The following AIFM1 variants were observed in gnomAD, a reference collection of about 807,000 sequenced individuals.
AIFM1 encodes the protein apoptosis inducing factor mitochondria associated 1, also known as apoptosis-inducing factor 1, mitochondrial.
A neutral mutation model predicts 51.7 loss-of-function variants in AIFM1; 3 were observed. The observed-to-expected ratio is 0.06, with a 90% confidence interval of 0.03 to 0.15. The LOEUF (loss-of-function observed/expected upper bound fraction) is 0.15. Ranked by LOEUF, AIFM1 falls within the 10% of genes least tolerant of loss-of-function variation. AIFM1 has a pLI of 1.00. For missense variants in AIFM1, 330 were observed against 476.8 expected (o/e 0.69, Z 2.87); for synonymous variants, 178 against 179.4 (o/e 0.99, Z 0.06).
intron 11 of AIFM1, 65 bp downstream of exon 11, chrX:130,136,578 A>G (rs1373119883): frequency 4.0e-5 from 40 of 999,819 alleles, no homozygotes; most frequent in Non-Finnish European, 5.4e-5. Context: ...ATGAAGGAGT[A>G]AAAATGAGGC....
At chrX:130,141,293 C>G (rs2030570863) in intron 6 of AIFM1, among the ~76,000 whole-genome samples, 1 of 111,599 alleles carries the variant, frequency 9.0e-6, no homozygotes, top group African/African-American at 3.3e-5. Context: ...TTTTTTTAGG[C>G]AGTCATATGT....
chrX:130,137,211 C>G (rs1569417533), intron 9 of AIFM1, 26 bp from the exon 10 acceptor site: 2 of 1,210,009 alleles, frequency 1.7e-6, no homozygotes, highest in Middle Eastern at 2.3e-4. Flanking sequence ...AGAGTAGTTA[C>G]AGCAGGAAGC....
chrX:130,150,356 G>A (rs1359208790), intron 2 of AIFM1, among the ~76,000 whole-genome samples: 2 of 53,885 alleles, frequency 3.7e-5, no homozygotes, highest in African/African-American at 1.6e-4. Context: ...TTTTTTTTGA[G>A]ACGGAGTCTC....
intron 2 of AIFM1, among the ~76,000 whole-genome samples, chrX:130,153,403 G>T (rs1291224235): frequency 3.7e-5 from 4 of 107,501 alleles, no homozygotes; most frequent in Admixed American, 2.0e-4. Flanking sequence ...TTTTTTGGAG[G>T]GTAAAGTGGG....
At chrX:130,139,151 C>T (rs948869416) in intron 8 of AIFM1, among the ~76,000 whole-genome samples, 1 of 108,310 alleles carries the variant, frequency 9.2e-6, no homozygotes, top group African/African-American at 3.4e-5. Context: ...CAGGGTAAAA[C>T]GTCCCTACTA....
intron 6 of AIFM1, among the ~76,000 whole-genome samples, chrX:130,140,859 G>A (rs753031790): frequency 8.9e-6 from 1 of 112,367 alleles, no homozygotes; most frequent in East Asian, 2.8e-4. Flanking sequence ...ACTCATGCCT[G>A]TAATCCCAAC....
In AIFM1 at chrX:130,137,346, G is replaced by A. The variant is rs188923962; in HGVS notation, c.968-161C>T. 1,792 of 1,156,822 alleles carry A rather than the reference G, an allele frequency of 1.5e-3. 16 individuals are homozygous for A. The highest frequency in any genetic ancestry group is 8.6e-4 in the Admixed American group (32 of 37,206). On this transcript the variant is annotated intron_variant, in intron 9 of 15. Coordinates refer to ENST00000287295, the MANE Select transcript of AIFM1 (RefSeq NM_004208.4). Reference sequence around the variant, plus strand: ...ACAGGACAGTGGGCATGAGGGCCTCGGTGCTCAAGTTCATTTGTAACGCAA... The same window carrying A: ...ACAGGACAGTGGGCATGAGGGCCTCAGTGCTCAAGTTCATTTGTAACGCAA...
At chrX:130,158,689 C>T (rs930764786) in intron 1 of AIFM1, among the ~76,000 whole-genome samples, 1 of 84,745 alleles carries the variant, frequency 1.2e-5, no homozygotes, top group Non-Finnish European at 2.2e-5. Context: ...CTAACACTAA[C>T]CATAGCTGAT....
chrX:130,165,673 C>G lies in AIFM1; in HGVS notation c.-17G>C, dbSNP rs1461621867. On this transcript the variant is annotated 5_prime_UTR_variant, in exon 1 of 16. Coordinates refer to ENST00000287295, the MANE Select transcript of AIFM1 (RefSeq NM_004208.4). ...CCGGAACATTTCGGCGACCGCTATTCGGGACCTCCTCCTTCCCTTTCCTCT... is the reference window on the plus strand; with the variant it reads ...CCGGAACATTTCGGCGACCGCTATTGGGGACCTCCTCCTTCCCTTTCCTCT... 2 of 1,162,406 alleles carry G rather than the reference C, an allele frequency of 1.7e-6. No homozygotes were observed. The highest frequency in any genetic ancestry group is 2.3e-6 in the Non-Finnish European group (2 of 861,120).
intron 14 of AIFM1, 33 bp downstream of exon 14, chrX:130,131,642 C>T (rs2030083050): frequency 2.5e-6 from 3 of 1,211,085 alleles, no homozygotes; most frequent in Non-Finnish European, 3.4e-6. Context: ...TGCTTCTCAA[C>T]ACTCTCCAAG....
rs891049157 is a variant in AIFM1 at position 130,155,235 on chromosome X, C to G, written c.249+1226G>C. 2 of 1,209,094 alleles carry G rather than the reference C, an allele frequency of 1.7e-6. No homozygotes were observed. Among genetic ancestry groups the G allele is most frequent in the Non-Finnish European group, 2.2e-6 (2 of 893,288 alleles). ...GTTGCTGCCATCTTTCCCAGAAGCA[C>G]CTGTAGATGCTAGTGATCTAGAAGG... On this transcript the variant is annotated intron_variant, in intron 2 of 15. Transcript: ENST00000287295.
intron 6 of AIFM1, among the ~76,000 whole-genome samples, chrX:130,144,634 C>T: frequency 8.9e-6 from 1 of 111,773 alleles, no homozygotes; most frequent in Non-Finnish European, 1.9e-5. Context: ...GAAAGCCTTT[C>T]CTGATGTCAT....
At chrX:130,163,879 G>C (rs1287963064) in intron 1 of AIFM1, among the ~76,000 whole-genome samples, 1 of 110,283 alleles carries the variant, frequency 9.1e-6, no homozygotes, top group Non-Finnish European at 1.9e-5. Context: ...GTTATCGCCG[G>C]GCGCGGTGGC....
At chrX:130,149,828 T>C (rs1225282268) in intron 2 of AIFM1, among the ~76,000 whole-genome samples, 1 of 112,051 alleles carries the variant, frequency 8.9e-6, no homozygotes, top group Non-Finnish European at 1.9e-5. Context: ...ATTCTCCCCA[T>C]ATTTTATTCT....
intron 13 of AIFM1, among the ~76,000 whole-genome samples, chrX:130,132,981 G>C (rs779070341): frequency 1.4e-4 from 16 of 111,153 alleles, no homozygotes; most frequent in African/African-American, 5.2e-4. Flanking sequence ...TCCTGGCCTC[G>C]TGATCCGCCC....
At chrX:130,135,665 T>C (rs1296703352) in intron 12 of AIFM1, among the ~76,000 whole-genome samples, 1 of 111,518 alleles carries the variant, frequency 9.0e-6, no homozygotes, top group African/African-American at 3.3e-5. Context: ...TTTTCCTTTC[T>C]AGGGAACAGG....
At chrX:130,151,985 G>A (rs969596633) in intron 2 of AIFM1, among the ~76,000 whole-genome samples, 3 of 110,445 alleles carry the variant, frequency 2.7e-5, no homozygotes, top group Non-Finnish European at 5.7e-5. Flanking sequence ...GCTGCAGTGA[G>A]CCGAGATTGC....
intron 5 of AIFM1, among the ~76,000 whole-genome samples, chrX:130,145,939 T>C (rs2030735297): frequency 8.9e-6 from 1 of 111,766 alleles, no homozygotes; most frequent in South Asian, 3.8e-4. Context: ...CAAATGTCAA[T>C]AGTGCTGAGG....
intron 13 of AIFM1, among the ~76,000 whole-genome samples, chrX:130,132,280 T>A (rs1299671858): frequency 1.8e-5 from 2 of 112,181 alleles, no homozygotes; most frequent in Non-Finnish European, 3.8e-5. Flanking sequence ...AAAGTAAGAT[T>A]AACCCTAATA....
Sources: allele counts gnomAD v4.1 joint callset (sites outside exome capture counted in the v4.1 genomes callset), GRCh38; gene constraint gnomAD v4.1.1; transcripts MANE v1.5; gene names NCBI Gene and HGNC (gene_info 2026-07-23, HGNC 2026-07-21).